The following GIT2 variants were observed in gnomAD, a reference collection of about 807,000 sequenced individuals.
GIT2 encodes ARF GTPase-activating protein GIT2.
Under a neutral mutation model 100.3 loss-of-function variants are expected in GIT2, and 32 were observed. The ratio of observed to expected loss-of-function variants is 0.32; its 90% CI spans 0.24 to 0.43. The LOEUF (loss-of-function observed/expected upper bound fraction) is 0.43. GIT2 is among the 20% of genes least tolerant of loss of function. GIT2 has a pLI of 1.00. For synonymous variants in GIT2, 353 were observed against 364.1 expected (o/e 0.97, Z 0.35); for missense variants, 737 against 975.1 (o/e 0.76, Z 3.25).
chr12:109,987,664 C>T (rs941295357), intron 4 of GIT2, among the ~76,000 whole-genome samples: 4 of 151,968 alleles, frequency 2.6e-5, no homozygotes, highest in Middle Eastern at 3.4e-3. Context: ...GACGGGGTTT[C>T]GCCATGTTGC....
At chr12:109,978,309 C>T (rs1298745912) in intron 7 of GIT2, among the ~76,000 whole-genome samples, 1 of 152,012 alleles carries the variant, frequency 6.6e-6, no homozygotes, top group East Asian at 1.9e-4. Flanking sequence ...TCTCAAACTC[C>T]CAACCTCAAA....
At position 109,947,735 on chromosome 12, in the gene GIT2, A is replaced by G; in HGVS notation, c.1393-231T>C. On this transcript the variant is annotated intron_variant, in intron 14 of 19. Coordinates refer to ENST00000355312, the MANE Select transcript of GIT2 (RefSeq NM_057169.5). The surrounding 1 kb of genome is among the most constrained non-coding windows in gnomAD (Gnocchi z 4.3). ...TAAATAGCTTCATTTCTGAATGTGG[A>G]AAAGTTGTGGTTTGGACTTCCTCAA... The G allele has an allele frequency of 2.0e-6, 1 of 512,382 alleles. No individual in the cohort carries two copies. Among genetic ancestry groups the G allele is most frequent in the South Asian group, 2.5e-5 (1 of 40,606 alleles). The allele number at this position is 512,382 out of a possible 1,614,324, so 31.7% of individuals were successfully genotyped here.
chr12:109,966,590 T>C (rs187779987), intron 8 of GIT2, among the ~76,000 whole-genome samples: 61 of 150,254 alleles, frequency 4.1e-4, no homozygotes, highest in African/African-American at 1.4e-3. Context: ...GGCAGGTGGA[T>C]TGCTTGAGTC....
At chr12:109,945,427 A>G (rs1256712569) in intron 15 of GIT2, 78 bp from the exon 16 acceptor site, 5 of 744,174 alleles carry the variant, frequency 6.7e-6, no homozygotes, top group Non-Finnish European at 2.4e-6. Context: ...CTTCAGTAAA[A>G]GAATCCTGGA....
At chr12:109,943,364 G>C (rs538569268) in intron 16 of GIT2, among the ~76,000 whole-genome samples, 42 of 151,416 alleles carry the variant, frequency 2.8e-4, no homozygotes, top group Non-Finnish European at 5.9e-4. Flanking sequence ...ATCTCACTCT[G>C]TCGCCCAGGC....
At chr12:109,975,880 T>C (rs1416457305) in intron 7 of GIT2, among the ~76,000 whole-genome samples, 1 of 150,216 alleles carries the variant, frequency 6.7e-6, no homozygotes, top group Non-Finnish European at 1.5e-5. Context: ...CAAGCAATTC[T>C]CCTGCCTCAC....
intron 12 of GIT2, among the ~76,000 whole-genome samples, chr12:109,955,801 A>G (rs1302351729): frequency 6.6e-6 from 1 of 151,312 alleles, no homozygotes; most frequent in Non-Finnish European, 1.5e-5. Context: ...ATAGCTTCTA[A>G]CTCTTGGGCT....
At chr12:109,937,617 G>A (rs1242744770) in intron 18 of GIT2, among the ~76,000 whole-genome samples, 1 of 152,178 alleles carries the variant, frequency 6.6e-6, no homozygotes, top group African/African-American at 2.4e-5. Context: ...CCCTTCCTCA[G>A]GGTAAGAATT....
At chr12:109,955,311 A>G (rs1180610670) in intron 12 of GIT2, among the ~76,000 whole-genome samples, 1 of 152,014 alleles carries the variant, frequency 6.6e-6, no homozygotes, top group African/African-American at 2.4e-5. Context: ...TTTTTTTAGT[A>G]GAGACGGGGT....
rs560281000 is a variant in GIT2 at position 109,934,509 on chromosome 12, T to C, written c.2004-424A>G. On this transcript the variant is annotated intron_variant, in intron 18 of 19. Coordinates refer to ENST00000355312, the MANE Select transcript of GIT2 (RefSeq NM_057169.5). The surrounding 1 kb of genome is among the most constrained non-coding windows in gnomAD (Gnocchi z 4.5). The stretch of plus-strand genomic sequence containing the variant: ...AAAATTAGAATTGGAGTCTCTCAAG[T>C]AGCTGGAACTTCAGGCATGCACCGC... Among the ~76,000 whole-genome samples, 3 of 152,354 alleles carry C rather than the reference T, an allele frequency of 2.0e-5. No homozygotes were observed. The East Asian group carries it at 5.8e-4, about 29-fold the overall frequency.
At position 109,948,786 on chromosome 12, in the gene GIT2, C is replaced by T; in HGVS notation, c.1393-1282G>A. 1 of 1,591,038 alleles carries T rather than the reference C, an allele frequency of 6.3e-7. No homozygotes were observed. The highest frequency in any genetic ancestry group is 8.5e-7 in the Non-Finnish European group (1 of 1,172,824). On this transcript the variant is annotated intron_variant, in intron 14 of 19. Transcript: ENST00000355312. This position sits in a 1 kb window ranked among gnomAD's most constrained non-coding sequence, Gnocchi z 4.3. ...CAATTTTTATTTAGAAAGCACCAAT[C>T]TGTGAAAAATACACCAATAGTAGTT...
chr12:109,956,895 G>GT (rs2136334971), intron 12 of GIT2, among the ~76,000 whole-genome samples: 1 of 151,856 alleles, frequency 6.6e-6, no homozygotes, highest in Admixed American at 6.6e-5. Context: ...GTGCACACCT[G>GT]TAATCCCAGC....
At chr12:109,975,552 T>C (rs1364268718) in intron 7 of GIT2, among the ~76,000 whole-genome samples, 2 of 152,156 alleles carry the variant, frequency 1.3e-5, no homozygotes, top group African/African-American at 2.4e-5. Flanking sequence ...TCTCTGCTTT[T>C]CATTGATGTG....
chr12:109,959,810 C>T, intron 12 of GIT2, 37 bp downstream of exon 12: 1 of 1,256,186 alleles, frequency 8.0e-7, no homozygotes, highest in South Asian at 1.2e-5. Flanking sequence ...ATTTAGAGGG[C>T]CAAAAAATGC....
At chr12:109,944,068 A>G (rs966568092) in intron 16 of GIT2, among the ~76,000 whole-genome samples, 5 of 152,228 alleles carry the variant, frequency 3.3e-5, no homozygotes, top group Non-Finnish European at 5.9e-5. Flanking sequence ...GCTACTCAGA[A>G]GCCTGAAGTG....
At chr12:109,938,295 T>C (rs1873617032) in intron 18 of GIT2, 85 bp downstream of exon 18, 3 of 896,378 alleles carry the variant, frequency 3.3e-6, no homozygotes, top group Admixed American at 4.5e-5. Context: ...ATGCTGGGAA[T>C]AGCTGCCATT....
rs2271321 is a variant in GIT2, at chr12:109,989,496, G to A, written c.299+194C>T. 0.18 allele frequency among the ~76,000 whole-genome samples: 27,549 copies of A among 151,970 alleles called. 4,859 individuals carry two copies. Among genetic ancestry groups the A allele is most frequent in the African/African-American group, 0.47 (19,273 of 41,394 alleles). On this transcript the variant is annotated intron_variant, in intron 3 of 19. Coordinates refer to ENST00000355312, the MANE Select transcript of GIT2 (RefSeq NM_057169.5). ...CCAACTGAGGAAGCCACTTACTCCT[G>A]CTGGGTGGCCATGCTAAACAGATGG...
chr12:109,950,939 AT>A, intron 14 of GIT2: 1 of 533,694 alleles, frequency 1.9e-6, no homozygotes, highest in Non-Finnish European at 3.4e-6. Flanking sequence ...ATGGGCACAA[AT>A]GCTTAAATAG....
intron 13 of GIT2, chr12:109,952,458 A>C: frequency 1.9e-6 from 1 of 517,980 alleles, no homozygotes; most frequent in Non-Finnish European, 3.9e-6. Context: ...CAGACATGGC[A>C]TCCTGGGCTC....
Sources: allele counts gnomAD v4.1 joint callset (sites outside exome capture counted in the v4.1 genomes callset), GRCh38; gene constraint gnomAD v4.1.1; non-coding constraint Gnocchi (gnomAD v3.1); transcripts MANE v1.5; gene names NCBI Gene and HGNC (gene_info 2026-07-23, HGNC 2026-07-21).